The following SIM2 variants were observed in gnomAD, a reference collection of about 807,000 sequenced individuals.
SIM2 encodes the protein single-minded homolog 2.
SIM2 carries 28 observed loss-of-function variants against 64.8 expected under a neutral mutation model. That is an observed-to-expected ratio of 0.43 (90% CI 0.32 to 0.59). SIM2 has a LOEUF of 0.59. Among genes scored for constraint, SIM2 ranks in the 20% least tolerant of loss-of-function variants. SIM2 has a pLI of 0.07. For missense variants in SIM2, 847 were observed against 871.4 expected, an observed-to-expected ratio of 0.97 and a Z score of 0.35; for synonymous variants, 408 against 391.1, an observed-to-expected ratio of 1.04 and a Z score of -0.51.
chr21:36,746,902 T>G (rs1325334718), intron 10 of SIM2, among the ~76,000 whole-genome samples: 1 of 152,242 alleles, frequency 6.6e-6, no homozygotes, highest in Non-Finnish European at 1.5e-5. Flanking sequence ...TGAAAGAGGT[T>G]AACAATCTCC....
chr21:36,735,786 TC>T (rs2089037722), intron 7 of SIM2, among the ~76,000 whole-genome samples: 1 of 152,114 alleles, frequency 6.6e-6, no homozygotes, highest in African/African-American at 2.4e-5. Flanking sequence ...GAGAGGCCCT[TC>T]CCATATTATA....
rs1601697198 is a variant in SIM2, at chr21:36,722,570, G to A, written c.458-475G>A. 2.0e-5 allele frequency among the ~76,000 whole-genome samples: 3 copies of A among 152,202 alleles called. No homozygotes were observed. In the East Asian group the frequency reaches 5.8e-4, roughly 29 times the overall value. ...GGTCAGAGATTTGCGTGGGAGGCCTGCAAAAGCAAAGTGAGTGAGTGGGAA... is the reference window on the plus strand; with the variant it reads ...GGTCAGAGATTTGCGTGGGAGGCCTACAAAAGCAAAGTGAGTGAGTGGGAA... On this transcript the variant is annotated intron_variant, in intron 4 of 10. Coordinates refer to ENST00000290399, the MANE Select transcript of SIM2 (RefSeq NM_005069.6).
In SIM2 at chr21:36,745,709, C is replaced by G. The variant is rs2089220217; in HGVS notation, c.1576+573C>G. ...GGGTGAAGCTGTGATGTGCCTACTC[C>G]CAAGGACACGACACACAGTAGGGAC... On this transcript the variant is annotated intron_variant, in intron 10 of 10. Transcript: ENST00000290399. The surrounding 1 kb of genome is among the most constrained non-coding windows in gnomAD (Gnocchi z 4.8). The G allele has an allele frequency of 2.5e-5, 32 of 1,261,104 alleles. No individual in the cohort carries two copies. Among genetic ancestry groups the G allele is most frequent in the Non-Finnish European group, 3.1e-5 (30 of 957,750 alleles). 78.1% of individuals were successfully genotyped at this position (1,261,104 alleles called of 1,614,324 possible). A position where few individuals can be genotyped will look rare whatever the true frequency, so the allele number is the denominator to read the frequency against.
chr21:36,737,205 A>G (rs898882878), intron 7 of SIM2, among the ~76,000 whole-genome samples: 1 of 152,198 alleles, frequency 6.6e-6, no homozygotes, highest in African/African-American at 2.4e-5. Flanking sequence ...TTGGGATTAC[A>G]GGCATGAGCC....
Position 36,747,914 on chromosome 21 carries a change from G to A in SIM2, c.1826G>A (p.Arg609His). ...LLNYHRVLAR[R>H]GPLGGAAPAA... Reference sequence around the variant, plus strand: ...AACTACCACCGCGTGCTGGCCCGGCGCGGACCGCTGGGGGGCGCCGCACCC... The same window carrying A: ...AACTACCACCGCGTGCTGGCCCGGCACGGACCGCTGGGGGGCGCCGCACCC... The change falls in exon 11 of 11, where the codon CGC becomes CAC. Residue 609 changes from arginine (R) to histidine (H), a missense_variant. Coordinates refer to ENST00000290399, the MANE Select transcript of SIM2 (RefSeq NM_005069.6). This position sits in a 1 kb window ranked among gnomAD's most constrained non-coding sequence, Gnocchi z 4.5. The A allele has an allele frequency of 9.5e-7, 1 of 1,055,728 alleles. No individual in the cohort carries two copies. Among genetic ancestry groups the A allele is most frequent in the Non-Finnish European group, 1.1e-6 (1 of 870,382 alleles). The allele number at this position is 1,055,728 out of a possible 1,614,324, so 65.4% of individuals were successfully genotyped here. A position where few individuals can be genotyped will look rare whatever the true frequency, so the allele number is the denominator to read the frequency against.
In SIM2 at chr21:36,726,390, G is replaced by T. The variant is rs2088892132; in HGVS notation, c.743+72G>T. ...CGGTGGTGGAAATGGGTCCCTGAAA[G>T]CTGCCATCTTGGCCAAATCATAACA... On this transcript the variant is annotated intron_variant, in intron 6 of 10. Transcript: ENST00000290399. This position sits in a 1 kb window ranked among gnomAD's most constrained non-coding sequence, Gnocchi z 4.5. 1.4e-6 allele frequency: 2 copies of T among 1,399,104 alleles called. No homozygotes were observed. Among genetic ancestry groups the T allele is most frequent in the Non-Finnish European group, 2.0e-6 (2 of 1,014,384 alleles). The allele number at this position is 1,399,104 out of a possible 1,614,324, so 86.7% of individuals were successfully genotyped here.
intron 3 of SIM2, among the ~76,000 whole-genome samples, chr21:36,717,258 C>T (rs1005902130): frequency 2.6e-5 from 4 of 152,098 alleles, no homozygotes; most frequent in Non-Finnish European, 4.4e-5. Context: ...AGTTGTTTCC[C>T]GAAAACACAT....
chr21:36,714,526 C>A (rs1281782424), intron 3 of SIM2, among the ~76,000 whole-genome samples: 1 of 152,128 alleles, frequency 6.6e-6, no homozygotes, highest in Non-Finnish European at 1.5e-5. Flanking sequence ...AGAAAGGGAT[C>A]AAAATGCCTA....
At chr21:36,703,738 T>C (rs189627330) in intron 1 of SIM2, among the ~76,000 whole-genome samples, 2 of 152,338 alleles carry the variant, frequency 1.3e-5, no homozygotes, top group African/African-American at 4.8e-5. Context: ...TGAGGTCTGA[T>C]GGTCAGCCAG....
At position 36,745,418 on chromosome 21, in the gene SIM2, A is replaced by ACC; in HGVS notation, c.1576+283_1576+284dup. 7.6e-7 allele frequency: 1 copy of ACC among 1,310,838 alleles called. No individual in the cohort carries two copies. 81.2% of individuals were successfully genotyped at this position (1,310,838 alleles called of 1,614,324 possible). On this transcript the variant is annotated intron_variant, in intron 10 of 10. Transcript: ENST00000290399. This position sits in a 1 kb window ranked among gnomAD's most constrained non-coding sequence, Gnocchi z 4.8. ...CTTCACGTAAATCCTGGCCACATTC[A>ACC]CCAACCAAAGGGGGACAGTGATTTT...
rs962827778 is a variant in SIM2 at position 36,699,207 on chromosome 21, G to C, written c.-540G>C. 5.3e-5 allele frequency: 8 copies of C among 151,822 alleles called. No homozygotes were observed. Among genetic ancestry groups the C allele is most frequent in the African/African-American group, 1.9e-4 (8 of 41,342 alleles). 9.4% of individuals were successfully genotyped at this position (151,822 alleles called of 1,614,324 possible). A position where few individuals can be genotyped will look rare whatever the true frequency, so the allele number is the denominator to read the frequency against. ...CCGGCGCTGCGTCTCCAGGCACAGG[G>C]AGCCGCCAGGAAGGGCAGGAGAGCG... is the stretch of plus-strand genomic sequence containing the variant. On this transcript the variant is annotated 5_prime_UTR_variant, in exon 1 of 11. Coordinates refer to ENST00000290399, the MANE Select transcript of SIM2 (RefSeq NM_005069.6). The surrounding 1 kb of genome is among the most constrained non-coding windows in gnomAD (Gnocchi z 5.6).
In SIM2 at chr21:36,747,137, A is replaced by C. The variant is rs1361931649; in HGVS notation, c.1577-528A>C. ...GTTATTTTTCATTATGACACGGCGAAACCGATCGGGGTGGTTACCACCCCT... is the reference window on the plus strand; with the variant it reads ...GTTATTTTTCATTATGACACGGCGACACCGATCGGGGTGGTTACCACCCCT... On this transcript the variant is annotated intron_variant, in intron 10 of 10. Coordinates refer to ENST00000290399, the MANE Select transcript of SIM2 (RefSeq NM_005069.6). This position sits in a 1 kb window ranked among gnomAD's most constrained non-coding sequence, Gnocchi z 4.5. Among the ~76,000 whole-genome samples the C allele has an allele frequency of 1.3e-5, 2 of 152,116 alleles. No homozygotes were observed. Among genetic ancestry groups the C allele is most frequent in the Non-Finnish European group, 2.9e-5 (2 of 68,006 alleles).
rs992448437 is a variant in SIM2 at position 36,747,768 on chromosome 21, C to G, written c.1680C>G (p.Ala560=). 1,770 of 1,144,102 alleles carry G rather than the reference C, an allele frequency of 1.5e-3. 3 individuals are homozygous for G. Among genetic ancestry groups the G allele is most frequent in the Non-Finnish European group, 1.7e-3 (1,591 of 934,176 alleles). 70.9% of individuals were successfully genotyped at this position (1,144,102 alleles called of 1,614,324 possible). A position where few individuals can be genotyped will look rare whatever the true frequency, so the allele number is the denominator to read the frequency against. ...AGCCCGCGCTGGGCCCGGCCAAAGC[C>G]GCCCGCCAGGCCGCCCGGGACGGGG... ...REEPALGPAK[A]ARQAARDGAR... Residue 560 remains alanine (A), a synonymous_variant, in exon 11 of 11, where the codon GCC becomes GCG. Transcript: ENST00000290399. The surrounding 1 kb of genome is among the most constrained non-coding windows in gnomAD (Gnocchi z 4.5).
At chr21:36,702,187 G>A (rs561825102) in intron 1 of SIM2, among the ~76,000 whole-genome samples, 5 of 152,320 alleles carry the variant, frequency 3.3e-5, no homozygotes, top group African/African-American at 9.6e-5. Flanking sequence ...CCGAGTTTGG[G>A]CGGGGGTGGT....
chr21:36,736,728 CCCTCCTTCCCTTCCCTTTCCTTT>C (rs2089054120), intron 7 of SIM2, among the ~76,000 whole-genome samples: 1 of 96,710 alleles, frequency 1.0e-5, no homozygotes, highest in Admixed American at 1.1e-4. Flanking sequence ...TCCCTTCCTT[CCCTCCTTCCCTTCCCTTTCCTTT>C]CCTCCCTCCC....
chr21:36,712,681 T>G, intron 3 of SIM2, 59 bp downstream of exon 3: 2 of 1,165,366 alleles, frequency 1.7e-6, no homozygotes, highest in Non-Finnish European at 2.6e-6. Flanking sequence ...CAGCAGATTT[T>G]GACAGCCTCA....
Position 36,747,945 on chromosome 21 carries a change from C to A in SIM2, c.1857C>A (p.Ala619=). ...CGCTGGGGGGCGCCGCACCCGCCGC[C>A]TCCGGCCTGGCCTGCGCTCCCGGCG... ...RGPLGGAAPA[A]SGLACAPGGP... The change falls in exon 11 of 11, where the codon GCC becomes GCA. Residue 619 remains alanine (A), a synonymous_variant. Coordinates refer to ENST00000290399, the MANE Select transcript of SIM2 (RefSeq NM_005069.6). This position sits in a 1 kb window ranked among gnomAD's most constrained non-coding sequence, Gnocchi z 4.5. 1 of 1,023,062 alleles carries A rather than the reference C, an allele frequency of 9.8e-7. No homozygotes were observed. The highest frequency in any genetic ancestry group is 1.2e-6 in the Non-Finnish European group (1 of 857,182). The allele number at this position is 1,023,062 out of a possible 1,614,324, so 63.4% of individuals were successfully genotyped here.
rs200677535 is a variant in SIM2 at position 36,712,625 on chromosome 21, G to A, written c.348+3G>A. On this transcript the variant is annotated splice_donor_region_variant and intron_variant, in intron 3 of 10. Coordinates refer to ENST00000290399, the MANE Select transcript of SIM2 (RefSeq NM_005069.6). ...CTGTCCATTTAGGCTTATCCCAGGT[G>A]GGTATTGCCTAATTTTATGTGCAAC... The A allele has an allele frequency of 7.0e-5, 112 of 1,602,938 alleles. No individual in the cohort carries two copies. The highest frequency in any genetic ancestry group is 2.7e-4 in the African/African-American group (20 of 74,644).
At chr21:36,742,006 T>A (rs1365828750) in intron 8 of SIM2, 142 bp downstream of exon 8, 1 of 1,011,636 alleles carries the variant, frequency 9.9e-7, no homozygotes, top group Non-Finnish European at 1.4e-6. Flanking sequence ...TTTTAATTTT[T>A]TTTTTTTAGG....
Sources: gnomAD v4.1 joint callset for allele counts (sites outside exome capture counted in the v4.1 genomes callset) on GRCh38, gnomAD v4.1.1 for gene constraint, Gnocchi (gnomAD v3.1) non-coding constraint, MANE v1.5 for transcripts, NCBI Gene and HGNC (gene_info 2026-07-23, HGNC 2026-07-21) for gene names.